Variants in ROBO1 observed in about 807,000 individuals in gnomAD.
ROBO1 encodes the protein roundabout homolog 1.
Under a neutral mutation model 195.9 loss-of-function variants are expected in ROBO1, and 149 were observed. The observed-to-expected ratio is 0.76, with a 90% CI of 0.67 to 0.87. ROBO1 has a LOEUF of 0.87. Among genes scored for constraint, ROBO1 ranks in the 40% least tolerant of loss-of-function variants. The probability of loss-of-function intolerance (pLI) is 0.00; values close to 1 mark genes in which losing one functional copy is unlikely to be tolerated. For missense variants in ROBO1, 1,933 were observed against 2,068.3 expected (o/e 0.93, Z 1.27); for synonymous variants, 816 against 733.2 (o/e 1.11, Z -1.82).
At chr3:78,708,340 T>C (rs926165089) in intron 8 of ROBO1, among the ~76,000 whole-genome samples, 1 of 152,144 alleles carries the variant, frequency 6.6e-6, no homozygotes, top group Non-Finnish European at 1.5e-5. Flanking sequence ...TGAAAGTAAA[T>C]AATTTATAAA....
intron 4 of ROBO1, among the ~76,000 whole-genome samples, chr3:78,762,744 T>C (rs139931947): frequency 6.6e-6 from 1 of 152,196 alleles, no homozygotes; most frequent in African/African-American, 2.4e-5. Flanking sequence ...TGAAATAACA[T>C]ATTAAGGATT....
At chr3:79,116,858 T>C (rs2080013571) in intron 3 of ROBO1, among the ~76,000 whole-genome samples, 1 of 152,104 alleles carries the variant, frequency 6.6e-6, no homozygotes, top group East Asian at 1.9e-4. Flanking sequence ...ACTACTACAA[T>C]GTAAATGCCA....
At chr3:79,044,464 T>A (rs2078552230) in intron 3 of ROBO1, among the ~76,000 whole-genome samples, 1 of 152,176 alleles carries the variant, frequency 6.6e-6, no homozygotes, top group Non-Finnish European at 1.5e-5. Context: ...ATGACCTACA[T>A]TCTAGAAGAT....
intron 1 of ROBO1, among the ~76,000 whole-genome samples, chr3:79,731,074 A>G (rs1703130347): frequency 6.6e-6 from 1 of 152,106 alleles, no homozygotes; most frequent in Non-Finnish European, 1.5e-5. Flanking sequence ...TTAGTCAGCA[A>G]ACTTGCTAGA....
At chr3:79,222,518 A>G (rs1279098465) in intron 2 of ROBO1, among the ~76,000 whole-genome samples, 1 of 152,014 alleles carries the variant, frequency 6.6e-6, no homozygotes, top group Non-Finnish European at 1.5e-5. Context: ...AATACCTTTC[A>G]TTAGAAATAT....
At chr3:79,083,094 G>T (rs565534067) in intron 3 of ROBO1, among the ~76,000 whole-genome samples, 24 of 152,232 alleles carry the variant, frequency 1.6e-4, no homozygotes, top group Admixed American at 5.9e-4. Flanking sequence ...CTAGTCGGGA[G>T]GCTGAGGTGA....
At chr3:78,848,505 T>C (rs1380229675) in intron 4 of ROBO1, among the ~76,000 whole-genome samples, 1 of 151,932 alleles carries the variant, frequency 6.6e-6, no homozygotes, top group East Asian at 1.9e-4. Context: ...CAGGTTGCTG[T>C]TATATAGGAG....
chr3:79,641,252 A>G (rs548173055), intron 1 of ROBO1, among the ~76,000 whole-genome samples: 2 of 152,218 alleles, frequency 1.3e-5, no homozygotes, highest in Admixed American at 1.3e-4. Flanking sequence ...CATTTTTACT[A>G]ATCAAAATCT....
intron 3 of ROBO1, among the ~76,000 whole-genome samples, chr3:79,004,777 G>A (rs2077582998): frequency 1.3e-5 from 2 of 152,178 alleles, no homozygotes; most frequent in African/African-American, 4.8e-5. Flanking sequence ...AATTAGGCAT[G>A]TGTGCAATGT....
At chr3:79,435,547 T>C (rs540112476) in intron 2 of ROBO1, among the ~76,000 whole-genome samples, 2 of 152,284 alleles carry the variant, frequency 1.3e-5, no homozygotes, top group African/African-American at 4.8e-5. Flanking sequence ...GCAATTTCTA[T>C]AGCATTTTAG....
rs527631460 is a variant in ROBO1 at position 79,035,887 on chromosome 3, G to A, written c.172+89569C>T. ...ACAAAACTATCTGGGACCATTAAAA[G>A]TGTTTAACTAAAGGACTCCACAGTT... On this transcript the variant is annotated intron_variant, in intron 3 of 30. Transcript: ENST00000464233. Among the ~76,000 whole-genome samples, 4 of 152,208 alleles carry A rather than the reference G, an allele frequency of 2.6e-5. No homozygotes were observed. In the South Asian group the frequency reaches 6.2e-4, roughly 24 times the overall value.
chr3:79,741,046 A>G (rs940669440), intron 1 of ROBO1, among the ~76,000 whole-genome samples: 8 of 152,188 alleles, frequency 5.3e-5, no homozygotes, highest in East Asian at 3.9e-4. Flanking sequence ...TGAGTTGGCC[A>G]TAAGACTTAG....
chr3:79,414,643 T>C (rs1420223301), intron 2 of ROBO1, among the ~76,000 whole-genome samples: 1 of 152,166 alleles, frequency 6.6e-6, no homozygotes. Context: ...AACACTTTAG[T>C]CTGCTATAAT....
chr3:79,173,277 GC>G (rs2081198883), intron 2 of ROBO1, among the ~76,000 whole-genome samples: 1 of 152,166 alleles, frequency 6.6e-6, no homozygotes. Context: ...CACTGTGGGA[GC>G]CCCTTCCTGG....
At chr3:78,750,145 T>A (rs924808844) in intron 4 of ROBO1, among the ~76,000 whole-genome samples, 71 of 151,990 alleles carry the variant, frequency 4.7e-4, no homozygotes, top group African/African-American at 1.7e-3. Context: ...TCCTAGAAGG[T>A]TTTTTCTTTA....
intron 4 of ROBO1, among the ~76,000 whole-genome samples, chr3:78,914,695 T>A (rs2038450667): frequency 6.8e-6 from 1 of 147,616 alleles, no homozygotes; most frequent in Non-Finnish European, 1.5e-5. Flanking sequence ...TTATAATTTA[T>A]ATTTATAGGT....
intron 2 of ROBO1, among the ~76,000 whole-genome samples, chr3:79,462,486 C>T (rs555249867): frequency 3.3e-5 from 5 of 152,156 alleles, no homozygotes; most frequent in East Asian, 1.9e-4. Context: ...CAAATGACAA[C>T]GGAGAGTAGG....
At chr3:78,804,195 G>A (rs1199322364) in intron 4 of ROBO1, among the ~76,000 whole-genome samples, 3 of 152,144 alleles carry the variant, frequency 2.0e-5, no homozygotes, top group Non-Finnish European at 4.4e-5. Flanking sequence ...TGGTAAACAT[G>A]TTGAACTACT....
chr3:78,895,097 G>A (rs1185176075), intron 4 of ROBO1, among the ~76,000 whole-genome samples: 2 of 152,206 alleles, frequency 1.3e-5, no homozygotes, highest in East Asian at 1.9e-4. Flanking sequence ...CAAGTTGAGA[G>A]TTTGGAAACT....
Sources: gnomAD v4.1 joint callset for allele counts (sites outside exome capture counted in the v4.1 genomes callset) on GRCh38, gnomAD v4.1.1 for gene constraint, MANE v1.5 for transcripts, NCBI Gene and HGNC (gene_info 2026-07-23, HGNC 2026-07-21) for gene names.